Variants in OVGP1 observed in about 807,000 individuals in gnomAD.
OVGP1 encodes oviduct-specific glycoprotein.
OVGP1 carries 26 observed loss-of-function variants against 48.2 expected under a neutral mutation model. The ratio of observed to expected loss-of-function variants is 0.54; its 90% CI spans 0.40 to 0.75. OVGP1 has a LOEUF of 0.75. Ranked by LOEUF, OVGP1 falls within the 30% of genes least tolerant of loss-of-function variation. The pLI is 0.00. For synonymous variants in OVGP1, 294 were observed against 305.7 expected (o/e 0.96, Z 0.40); for missense variants, 791 against 820.6 (o/e 0.96, Z 0.44).
In OVGP1 at chr1:111,415,356, C is replaced by G; in HGVS notation, c.1157-12G>C. ...AGTTGAACTGAACTCTAGAGAAAAT[C>G]AACAGAAAAGAATGAGATTCCTACC... On this transcript the variant is annotated splice_polypyrimidine_tract_variant and intron_variant, in intron 10 of 10. Coordinates refer to ENST00000369732, the MANE Select transcript of OVGP1 (RefSeq NM_002557.4). 1 of 1,594,764 alleles carries G rather than the reference C, an allele frequency of 6.3e-7. No individual in the cohort carries two copies. Among genetic ancestry groups the G allele is most frequent in the South Asian group, 1.1e-5 (1 of 88,960 alleles).
chr1:111,426,790 C>T (rs1229416688), intron 2 of OVGP1, 149 bp from the exon 3 acceptor site: 1 of 1,547,998 alleles, frequency 6.5e-7, no homozygotes, highest in East Asian at 2.4e-5. Flanking sequence ...CAGAACTACA[C>T]TGAGGTTCTA....
rs777906853 is a variant in OVGP1, at chr1:111,421,389, C to T, written c.790G>A (p.Gly264Arg). ...GCTTTGAGGAGGCGAAAGGTACGTC[C>T]ATAGGTGGGGATCCCCATGATGAGC... Reference protein sequence around the residue: ...EKLIMGIPTYGRTFRLLKASK... With the variant: ...EKLIMGIPTYRRTFRLLKASK... The change falls in exon 8 of 11, where the codon GGA (glycine) becomes AGA (arginine). Residue 264 changes from glycine (G) to arginine (R), a missense_variant. Physicochemically the swap from Gly to Arg is moderately radical, Grantham distance 125. Coordinates refer to ENST00000369732, the MANE Select transcript of OVGP1 (RefSeq NM_002557.4). 6 of 1,613,972 alleles carry T rather than the reference C, an allele frequency of 3.7e-6. No individual in the cohort carries two copies. The South Asian group carries it at 6.6e-5, about 18-fold the overall frequency.
At position 111,423,009 on chromosome 1, in the gene OVGP1, G is replaced by T. The variant is rs183956715; in HGVS notation, c.526C>A (p.Arg176Ser). The change falls in exon 6 of 11, where the codon CGC becomes AGC. Residue 176 changes from arginine (R) to serine (S), a missense_variant. Coordinates refer to ENST00000369732, the MANE Select transcript of OVGP1 (RefSeq NM_002557.4). Reference protein sequence around the residue: ...AFRKEALLTMRPRLLLSAAVS... With the variant: ...AFRKEALLTMSPRLLLSAAVS... The stretch of plus-strand genomic sequence containing the variant: ...GCAGCAGACAGCAGCAGCCTCGGGC[G>T]CATGGTGAGCAGTGCCTCCTTCCGG... 6.2e-7 allele frequency: 1 copy of T among 1,614,140 alleles called. No individual in the cohort carries two copies. The highest frequency in any genetic ancestry group is 8.5e-7 in the Non-Finnish European group (1 of 1,180,012).
chr1:111,426,720 G>A (rs773797913), intron 2 of OVGP1, 79 bp from the exon 3 acceptor site: 21 of 1,559,842 alleles, frequency 1.3e-5, no homozygotes, highest in Admixed American at 7.7e-5. Context: ...CAATGTGAAC[G>A]CAGCCCAAGA....
intron 5 of OVGP1, 53 bp from the exon 6 acceptor site, chr1:111,423,104 C>A: frequency 6.2e-7 from 1 of 1,607,950 alleles, no homozygotes. Flanking sequence ...AGAGGCGGGG[C>A]CTGGGGGGAG....
intron 9 of OVGP1, among the ~76,000 whole-genome samples, chr1:111,418,145 T>C (rs1343175460): frequency 1.3e-5 from 2 of 152,340 alleles, no homozygotes; most frequent in Admixed American, 6.5e-5. Flanking sequence ...TGATATTCTA[T>C]GTCAAAATCC....
In OVGP1 at chr1:111,426,594, G is replaced by T. The variant is rs1302078051; in HGVS notation, c.103C>A (p.Arg35=). The change falls in exon 3 of 11, where the codon CGG becomes AGG. Residue 35 remains arginine (R), a synonymous_variant. Coordinates refer to ENST00000369732, the MANE Select transcript of OVGP1 (RefSeq NM_002557.4). ...VCYFTNWAHS[R]PGPASILPHD... ...GGCAAGATCGAGGCAGGGCCTGGCCGACTGTGTGCCCAGTTGGTGAAATAA... is the reference window on the plus strand; with the variant it reads ...GGCAAGATCGAGGCAGGGCCTGGCCTACTGTGTGCCCAGTTGGTGAAATAA... The T allele has an allele frequency of 6.2e-7, 1 of 1,614,050 alleles. No homozygotes were observed. The highest frequency in any genetic ancestry group is 1.3e-5 in the African/African-American group (1 of 75,016).
Position 111,416,445 on chromosome 1 carries a change from C to T in OVGP1, c.1034G>A (p.Arg345Lys), listed in dbSNP as rs1437407969. Residue 345 changes from arginine (R) to lysine (K), a missense_variant, in exon 10 of 11, where the codon AGG (arginine) becomes AAG (lysine). Transcript: ENST00000369732. ...CATGGCCCCCCCAAAATGCTCTCGC[C>T]TTATAAACCATGCCTGTAAAAGTAA... is the stretch of plus-strand genomic sequence containing the variant. ...ISFSYKAWFI[R>K]REHFGGAMVW... The T allele has an allele frequency of 5.0e-6, 8 of 1,604,562 alleles. No homozygotes were observed. Among genetic ancestry groups the T allele is most frequent in the Non-Finnish European group, 6.8e-6 (8 of 1,175,340 alleles).
At chr1:111,422,812 G>T in intron 6 of OVGP1, 115 bp downstream of exon 6, 4 of 1,248,014 alleles carry the variant, frequency 3.2e-6, no homozygotes, top group East Asian at 4.7e-5. Context: ...TTGCACTGAC[G>T]TCAGGGCAGG....
chr1:111,416,575 A>G (rs1307743417), intron 9 of OVGP1, 117 bp from the exon 10 acceptor site: 2 of 837,182 alleles, frequency 2.4e-6, no homozygotes, highest in Non-Finnish European at 3.5e-6. Context: ...TTAGGAGTGT[A>G]GCCAGCATTT....
Position 111,426,934 on chromosome 1 carries a change from ACT to A in OVGP1, c.55+126_55+127del. Reference sequence around the variant, plus strand: ...CAGGTGACCAAAAATCCTCTGAGAAACTGTGTTGGATCAATAATCCCTGTCAG... The same window carrying A: ...CAGGTGACCAAAAATCCTCTGAGAAAGTGTTGGATCAATAATCCCTGTCAG... On this transcript the variant is annotated intron_variant, in intron 2 of 10. Transcript: ENST00000369732. The A allele has an allele frequency of 1.9e-6, 3 of 1,568,092 alleles. No homozygotes were observed. The South Asian group carries it at 3.6e-5, about 19-fold the overall frequency.
Position 111,414,857 on chromosome 1 carries a change from G to C in OVGP1, c.1644C>G (p.Thr548=), listed in dbSNP as rs371692969. The C allele has an allele frequency of 6.3e-7, 1 of 1,596,372 alleles. No homozygotes were observed. Among genetic ancestry groups the C allele is most frequent in the Non-Finnish European group, 8.6e-7 (1 of 1,167,586 alleles). ...QSVSPGGTTM[T]PVHFQTETLR... is the part of the protein sequence containing the mutation. Reference sequence around the variant, plus strand: ...GGGTCTCAGTCTGAAAATGGACAGGGGTCATAGTCGTTCCTCCAGGGCTCA... The same window carrying C: ...GGGTCTCAGTCTGAAAATGGACAGGCGTCATAGTCGTTCCTCCAGGGCTCA... Residue 548 remains threonine, a synonymous_variant, in exon 11 of 11, where the codon ACC becomes ACG. Transcript: ENST00000369732.
Position 111,414,586 on chromosome 1 carries a change from CA to C in OVGP1, c.1914del (p.Phe638LeufsTer18), listed in dbSNP as rs1432653425. On this transcript the variant is annotated frameshift_variant, in exon 11 of 11. Coordinates refer to ENST00000369732, the MANE Select transcript of OVGP1 (RefSeq NM_002557.4). LOFTEE classifies it low-confidence loss of function (END_TRUNC). ...IQLPEQTPLAFDNRFVPIYGN... is the reference protein window; with the variant it reads ...IQLPEQTPLAXDNRFVPIYGN... ...CCATAGATGGGAACAAAGCGGTTGT[CA>C]AAAGCTAGAGGAGTTTGTTCCGGGA... is the stretch of plus-strand genomic sequence containing the variant. 3.7e-6 allele frequency: 6 copies of C among 1,614,184 alleles called. No homozygotes were observed. Among genetic ancestry groups the C allele is most frequent in the Non-Finnish European group, 5.1e-6 (6 of 1,180,030 alleles).
intron 1 of OVGP1, chr1:111,427,469 C>G (rs1005561899): frequency 1.3e-6 from 1 of 753,082 alleles, no homozygotes; most frequent in African/African-American, 1.9e-5. Context: ...AGGTGGAACT[C>G]AGGCATTTAA....
At chr1:111,416,740 T>C (rs1374594796) in intron 9 of OVGP1, 4 of 288,036 alleles carry the variant, frequency 1.4e-5, no homozygotes, top group Non-Finnish European at 1.9e-5. Flanking sequence ...ACATATTACA[T>C]ACGATATGGA....
intron 9 of OVGP1, chr1:111,416,667 GA>G (rs34687982): frequency 0.14 from 45,652 of 317,306 alleles, 1,449 homozygotes; most frequent in East Asian, 0.37. Context: ...CCTCATTTGT[GA>G]AAAAAAAAAA....
In OVGP1 at chr1:111,423,633, A is replaced by G; in HGVS notation, c.393T>C (p.His131=). ...IASVISLLRT[H]DFDGLDLFFL... ...AGAAAAGGTCAAGACCATCAAAGTC[A>G]TGTGTCCTCAGAAGGGATATAACTG... The change falls in exon 5 of 11, where the codon CAT becomes CAC. Residue 131 remains histidine, a synonymous_variant. Transcript: ENST00000369732. 3 of 1,614,182 alleles carry G rather than the reference A, an allele frequency of 1.9e-6. No homozygotes were observed. The highest frequency in any genetic ancestry group is 2.5e-6 in the Non-Finnish European group (3 of 1,179,988).
rs1359399430 is a variant in OVGP1 at position 111,426,454 on chromosome 1, G to C, written c.243C>G (p.Phe81Leu). 1 of 1,614,048 alleles carries C rather than the reference G, an allele frequency of 6.2e-7. No individual in the cohort carries two copies. Among genetic ancestry groups the C allele is most frequent in the South Asian group, 1.1e-5 (1 of 91,028 alleles). The part of the protein sequence containing the change: ...LQDEKILYPE[F>L]NKLKERNREL... ...GAACACACCTCTCCTTTAGTTTGTT[G>C]AACTCTGGGTAGAGAATTTTCTCAT... is the stretch of plus-strand genomic sequence containing the variant. The change falls in exon 3 of 11, where the codon TTC becomes TTG. Residue 81 changes from phenylalanine to leucine, a missense_variant. By Grantham distance (22) the Phe-to-Leu change is conservative. Transcript: ENST00000369732.
rs116936234 is a variant in OVGP1 at position 111,425,156 on chromosome 1, C to A, written c.317+227G>T. ...TGCCTCATTTTGTCCCTAATTTTCC[C>A]CCAGCCTCTTTCTCACCACCTGCTA... is the stretch of plus-strand genomic sequence containing the variant. On this transcript the variant is annotated intron_variant, in intron 4 of 10. Coordinates refer to ENST00000369732, the MANE Select transcript of OVGP1 (RefSeq NM_002557.4). Among the ~76,000 whole-genome samples the A allele has an allele frequency of 5.3e-4, 80 of 152,318 alleles. 1 individual carries two copies. In the East Asian group the frequency reaches 0.012, roughly 22 times the overall value.
Sources: gnomAD v4.1 joint callset for allele counts (sites outside exome capture counted in the v4.1 genomes callset) on GRCh38, gnomAD v4.1.1 for gene constraint, MANE v1.5 for transcripts, NCBI Gene and HGNC (gene_info 2026-07-23, HGNC 2026-07-21) for gene names.